MUC22: variants seen among roughly 807,000 people sequenced by gnomAD.
MUC22 encodes mucin 22.
MUC22 carries 24 observed loss-of-function variants against 40.3 expected under a neutral mutation model. The observed-to-expected ratio is 0.60, with a 90% CI of 0.43 to 0.84. The LOEUF (loss-of-function observed/expected upper bound fraction) is 0.84, where lower values mean the gene tolerates loss of function less well. MUC22 is among the 40% of genes least tolerant of loss of function. The pLI is 0.00. For synonymous variants in MUC22, 765 were observed against 844.5 expected (o/e 0.91, Z 1.63); for missense variants, 1,926 against 2,130.7 (o/e 0.90, Z 1.89).
chr6:31,030,298 A>T (rs867480754), intron 2 of MUC22, among the ~76,000 whole-genome samples, 198 bp downstream of exon 2: 3 of 152,266 alleles, frequency 2.0e-5, no homozygotes, highest in Middle Eastern at 6.8e-3. Flanking sequence ...CGAGCGAATC[A>T]CGAGATCAGG....
At chr6:31,018,573 G>A (rs1764436843) in intron 1 of MUC22, among the ~76,000 whole-genome samples, 1 of 152,224 alleles carries the variant, frequency 6.6e-6, no homozygotes, top group Non-Finnish European at 1.5e-5. Context: ...CCTTGTGGAG[G>A]TATGTGTTTT....
Position 31,021,041 on chromosome 6 carries a change from G to A in MUC22, c.71-4461G>A, listed in dbSNP as rs185609320. On this transcript the variant is annotated intron_variant, in intron 1 of 3. Coordinates refer to ENST00000561890, the Ensembl canonical transcript of MUC22. ...GCTTCTGTGCGGCCGGAGCCTCCCCGATGAGCGCCGCCCCCTGCTCCAGGG... is the reference window on the plus strand; with the variant it reads ...GCTTCTGTGCGGCCGGAGCCTCCCCAATGAGCGCCGCCCCCTGCTCCAGGG... 9.9e-4 allele frequency among the ~76,000 whole-genome samples: 151 copies of A among 152,192 alleles called. 2 individuals carry two copies. In the East Asian group the frequency reaches 0.02, roughly 20 times the overall value.
exon 2 of MUC22, chr6:31,028,334 C>T (rs2150795776): frequency 6.5e-7 from 1 of 1,533,586 alleles, no homozygotes; most frequent in Non-Finnish European, 8.7e-7. Context: ...ACCACCACTT[C>T]TACTGAAGGC....
chr6:31,026,155 A>T, exon 2 of MUC22: 8 of 1,523,890 alleles, frequency 5.2e-6, no homozygotes, highest in Non-Finnish European at 7.0e-6. Context: ...CACAACCTCA[A>T]CTGCAGACTC....
exon 2 of MUC22, chr6:31,027,162 A>T (rs1279934291): frequency 4.7e-6 from 7 of 1,502,072 alleles, no homozygotes; most frequent in Admixed American, 4.1e-5. Context: ...AGGTGACCAC[A>T]GTCTTTGCTG....
rs1766104808 is a variant in MUC22 at position 31,032,098 on chromosome 6, T to C, written c.4670-98T>C. ...CACCTCTCCTGAGCCACCTCCACCA[T>C]AGGTTTGTTAGATTCACCCTCCTCT... On this transcript the variant is annotated intron_variant, in intron 2 of 3. Coordinates refer to ENST00000561890, the Ensembl canonical transcript of MUC22. The surrounding 1 kb of genome is among the most constrained non-coding windows in gnomAD (Gnocchi z 4.1). 1 of 1,335,050 alleles carries C rather than the reference T, an allele frequency of 7.5e-7. No individual in the cohort carries two copies. The highest frequency in any genetic ancestry group is 1.0e-6 in the Non-Finnish European group (1 of 1,001,100). The allele number at this position is 1,335,050 out of a possible 1,614,324, so 82.7% of individuals were successfully genotyped here.
In MUC22 at chr6:31,032,549, G is replaced by A; in HGVS notation, c.5023G>A (p.Val1675Ile). 6.5e-7 allele frequency: 1 copy of A among 1,535,528 alleles called. No homozygotes were observed. Among genetic ancestry groups the A allele is most frequent in the South Asian group, 1.2e-5 (1 of 84,034 alleles). Residue 1675 changes from valine to isoleucine, a missense_variant, in exon 3 of 4, where the codon GTT becomes ATT. Around this residue, in one of 3 missense-constraint regions of MUC22, gnomAD observed 610 missense variants for 714.6 expected, o/e 0.85. Transcript: ENST00000561890. The surrounding 1 kb of genome is among the most constrained non-coding windows in gnomAD (Gnocchi z 4.1). ...TTCCCTGGCTGCAGTTGTGGCTGCT[G>A]TTGGATTGTCAGTAGGACTGAGTTT...
intron 1 of MUC22, among the ~76,000 whole-genome samples, chr6:31,023,917 C>T (rs956196272): frequency 1.3e-5 from 2 of 152,106 alleles, no homozygotes; most frequent in African/African-American, 2.4e-5. Flanking sequence ...GAAAAACCAG[C>T]CTGGATACAC....
At chr6:31,009,626 C>T (rs1269937289), upstream of MUC22, among the ~76,000 whole-genome samples, 1 of 152,198 alleles carries the variant, frequency 6.6e-6, no homozygotes, top group African/African-American at 2.4e-5. Flanking sequence ...ATTTGGCAAG[C>T]TTATACCCGT....
Position 31,011,672 on chromosome 6 carries a change from A to G in MUC22, c.70+896A>G, listed in dbSNP as rs1763876439. ...ATGTGTGTGCAAGTGTCTTTTTTGT[A>G]TAATGACTTCTTTTCCTCTGGGTAG... is the stretch of plus-strand genomic sequence containing the variant. On this transcript the variant is annotated intron_variant, in intron 1 of 3. Coordinates refer to ENST00000561890, the Ensembl canonical transcript of MUC22. This position sits in a 1 kb window ranked among gnomAD's most constrained non-coding sequence, Gnocchi z 4.5. 1.3e-5 allele frequency among the ~76,000 whole-genome samples: 2 copies of G among 152,184 alleles called. No homozygotes were observed. Among genetic ancestry groups the G allele is most frequent in the Admixed American group, 6.5e-5 (1 of 15,280 alleles).
Position 31,028,139 on chromosome 6 carries a change from C to CT in MUC22, c.2709dup (p.Glu904Ter), listed in dbSNP as rs969100325. 7 of 1,534,416 alleles carry CT rather than the reference C, an allele frequency of 4.6e-6. No individual in the cohort carries two copies. Among genetic ancestry groups the CT allele is most frequent in the Non-Finnish European group, 6.1e-6 (7 of 1,146,594 alleles). On this transcript the variant is annotated frameshift_variant, in exon 2 of 4. Coordinates refer to ENST00000561890, the Ensembl canonical transcript of MUC22. LOFTEE classifies it high-confidence loss of function. Reference sequence around the variant, plus strand: ...ACCACTACAGTCTCCACCACAGACTCTGAGACCACCATGGTCTCTACCACA... The same window carrying CT: ...ACCACTACAGTCTCCACCACAGACTCTTGAGACCACCATGGTCTCTACCACA...
At chr6:31,013,080 T>A (rs1004303570) in intron 1 of MUC22, among the ~76,000 whole-genome samples, 18 of 149,784 alleles carry the variant, frequency 1.2e-4, no homozygotes, top group African/African-American at 4.4e-4. Flanking sequence ...CGTCCCCGCA[T>A]CACTCCTCAG....
chr6:31,020,330 A>T (rs1006576721), intron 1 of MUC22, among the ~76,000 whole-genome samples: 3 of 152,232 alleles, frequency 2.0e-5, no homozygotes, highest in African/African-American at 7.2e-5. Context: ...AAAGAAAAAA[A>T]TACTTTATCA....
exon 2 of MUC22, chr6:31,025,958 C>T: frequency 6.5e-7 from 1 of 1,535,406 alleles, no homozygotes; most frequent in African/African-American, 1.4e-5. Context: ...TCTGAGACCA[C>T]CATGGCCTCC....
rs1379852693 is a variant in MUC22, at chr6:31,020,508, G to T, written c.71-4994G>T. Among the ~76,000 whole-genome samples the T allele has an allele frequency of 2.1e-5, 3 of 140,806 alleles. No individual in the cohort carries two copies. In the South Asian group the frequency reaches 6.8e-4, roughly 32 times the overall value. 92.4% of individuals were successfully genotyped at this position (140,806 alleles called of 152,430 possible). On this transcript the variant is annotated intron_variant, in intron 1 of 3. Coordinates refer to ENST00000561890, the Ensembl canonical transcript of MUC22. The stretch of plus-strand genomic sequence containing the variant: ...GCCCCAGGCTGGAGCGTAATGGCAC[G>T]ATCTTGGCTCACTGCAACCTCTGCC...
At chr6:31,025,614 A>T (rs1383564253) in exon 2 of MUC22, 11 of 1,522,334 alleles carry the variant, frequency 7.2e-6, no homozygotes, top group Non-Finnish European at 9.7e-6. Context: ...CCTTAACTAC[A>T]GGCTCTAAGA....
At chr6:31,021,963 C>T (rs1046431756) in intron 1 of MUC22, among the ~76,000 whole-genome samples, 11 of 152,106 alleles carry the variant, frequency 7.2e-5, no homozygotes, top group African/African-American at 2.7e-4. Context: ...TAAAGGTCTG[C>T]AGCTTCACTC....
Position 31,027,567 on chromosome 6 carries a change from T to A in MUC22, c.2136T>A (p.Gly712=), listed in dbSNP as rs1296780399. 3 of 1,507,708 alleles carry A rather than the reference T, an allele frequency of 2.0e-6. No homozygotes were observed. The Admixed American group carries it at 6.2e-5, about 31-fold the overall frequency. 93.4% of individuals were successfully genotyped at this position (1,507,708 alleles called of 1,614,324 possible). A position where few individuals can be genotyped will look rare whatever the true frequency, so the allele number is the denominator to read the frequency against. Reference sequence around the variant, plus strand: ...AGACCACCACAGCTTCTACTGAAGGTTCTGAGACCACTACAGTCACTACCG... The same window carrying A: ...AGACCACCACAGCTTCTACTGAAGGATCTGAGACCACTACAGTCACTACCG... The change falls in exon 2 of 4, where the codon GGT becomes GGA. Residue 712 remains glycine, a synonymous_variant. Transcript: ENST00000561890.
chr6:31,018,786 A>G (rs1474587100), intron 1 of MUC22, among the ~76,000 whole-genome samples: 1 of 152,232 alleles, frequency 6.6e-6, no homozygotes. Flanking sequence ...AATTCAGTTA[A>G]CTGCCATATT....
Sources: gnomAD v4.1 joint callset for allele counts (sites outside exome capture counted in the v4.1 genomes callset) on GRCh38, gnomAD v4.1.1 for gene constraint, gnomAD v4.1.1 regional missense constraint, Gnocchi (gnomAD v3.1) non-coding constraint, MANE v1.5 for transcripts, NCBI Gene and HGNC (gene_info 2026-07-23, HGNC 2026-07-21) for gene names.